IQCJ: variants seen among roughly 807,000 people sequenced by gnomAD.
IQCJ encodes IQ motif containing J.
In IQCJ, 9 loss-of-function variants were observed where a neutral mutation model predicts 11.0. The ratio of observed to expected loss-of-function variants is 0.82; its 90% CI spans 0.49 to 1.43. The LOEUF (loss-of-function observed/expected upper bound fraction) is 1.43. Ranked by LOEUF, IQCJ falls within the 40% of genes most tolerant of loss-of-function variation. The pLI, the probability that IQCJ is intolerant of heterozygous loss-of-function variation, is 0.00. For missense variants in IQCJ, 146 were observed against 133.2 expected, an observed-to-expected ratio of 1.10 and a Z score of -0.47; for synonymous variants, 55 against 51.3, an observed-to-expected ratio of 1.07 and a Z score of -0.31.
chr3:159,195,085 T>C (rs919451368), intron 1 of IQCJ, among the ~76,000 whole-genome samples: 1 of 148,948 alleles, frequency 6.7e-6, no homozygotes, highest in Non-Finnish European at 1.5e-5. Context: ...CACTCTAGCC[T>C]GGGTGACAGA....
Position 159,103,501 on chromosome 3 carries a change from A to T in IQCJ, c.9+34060A>T, listed in dbSNP as rs75458393. Among the ~76,000 whole-genome samples the T allele has an allele frequency of 1.0e-2, 1,522 of 152,356 alleles. 29 individuals carry two copies. The highest frequency in any genetic ancestry group is 0.034 in the African/African-American group (1,433 of 41,584). ...TTGAATTAAGGGTATTTTAGGATCGACATTCTGCTCATCTAAAGAGCAAAC... is the reference window on the plus strand; with the variant it reads ...TTGAATTAAGGGTATTTTAGGATCGTCATTCTGCTCATCTAAAGAGCAAAC... On this transcript the variant is annotated intron_variant, in intron 1 of 3. Transcript: ENST00000397832.
chr3:159,240,135 T>C (rs1242434181), intron 1 of IQCJ, among the ~76,000 whole-genome samples: 1 of 152,134 alleles, frequency 6.6e-6, no homozygotes. Context: ...ATTCTTAGAA[T>C]ATGGAACCAG....
intron 1 of IQCJ, among the ~76,000 whole-genome samples, chr3:159,074,057 G>A (rs1217456966): frequency 2.0e-5 from 3 of 152,052 alleles, no homozygotes; most frequent in Non-Finnish European, 4.4e-5. Context: ...GGAAATTAAT[G>A]GAAGATATAC....
At chr3:159,224,890 A>C (rs567428497) in intron 1 of IQCJ, among the ~76,000 whole-genome samples, 2 of 152,200 alleles carry the variant, frequency 1.3e-5, no homozygotes, top group South Asian at 4.1e-4. Context: ...TGGGAAACAC[A>C]AAACACTGGC....
At chr3:159,260,790 T>G (rs1024016799) in intron 3 of IQCJ, among the ~76,000 whole-genome samples, 8 of 152,204 alleles carry the variant, frequency 5.3e-5, no homozygotes, top group African/African-American at 1.9e-4. Context: ...GCTTGAAGTA[T>G]GTATAATCTG....
intron 1 of IQCJ, among the ~76,000 whole-genome samples, chr3:159,168,591 G>A (rs1009291497): frequency 1.3e-5 from 2 of 152,146 alleles, no homozygotes; most frequent in Non-Finnish European, 2.9e-5. Context: ...GAGTAGGCAT[G>A]TAAGTGACTT....
chr3:159,232,809 A>T (rs1199059851), intron 1 of IQCJ, among the ~76,000 whole-genome samples: 2 of 152,054 alleles, frequency 1.3e-5, no homozygotes. Context: ...TCTAATATTG[A>T]CAGTGGGGTG....
intron 1 of IQCJ, among the ~76,000 whole-genome samples, chr3:159,137,882 G>C (rs1720387598): frequency 6.6e-6 from 1 of 152,158 alleles, no homozygotes; most frequent in Non-Finnish European, 1.5e-5. Context: ...AAATAAATAG[G>C]AAAGGGATTT....
intron 3 of IQCJ, among the ~76,000 whole-genome samples, chr3:159,258,789 C>A (rs1728043301): frequency 6.6e-6 from 1 of 152,070 alleles, no homozygotes; most frequent in Admixed American, 6.5e-5. Flanking sequence ...TCAACTGCAC[C>A]AAAGCAGGGT....
chr3:159,163,618 G>C (rs1205101821), intron 1 of IQCJ, among the ~76,000 whole-genome samples: 3 of 152,114 alleles, frequency 2.0e-5, no homozygotes, highest in Non-Finnish European at 4.4e-5. Flanking sequence ...TCCCACCTAG[G>C]CCTCCCAAAG....
intron 1 of IQCJ, among the ~76,000 whole-genome samples, chr3:159,092,806 T>G (rs1717424885): frequency 6.6e-6 from 1 of 151,654 alleles, no homozygotes; most frequent in South Asian, 2.1e-4. Flanking sequence ...ATTTTTTTTT[T>G]TTAGCCAGTA....
At chr3:159,148,748 C>T (rs1273643514) in intron 1 of IQCJ, among the ~76,000 whole-genome samples, 1 of 152,150 alleles carries the variant, frequency 6.6e-6, no homozygotes, top group African/African-American at 2.4e-5. Context: ...TTTATTAACA[C>T]ATTGACAGCC....
chr3:159,263,099 C>T lies in IQCJ; in HGVS notation c.*368C>T, dbSNP rs900669330. 6.0e-6 allele frequency: 6 copies of T among 991,978 alleles called. No individual in the cohort carries two copies. The highest frequency in any genetic ancestry group is 4.8e-6 in the Non-Finnish European group (4 of 833,232). The allele number at this position is 991,978 out of a possible 1,614,324, so 61.4% of individuals were successfully genotyped here. On this transcript the variant is annotated 3_prime_UTR_variant, in exon 4 of 4. Transcript: ENST00000397832. ...GAAGAATTGAAAGTGGTCACACACT[C>T]AGGGGTTGCAACTTAAATGTCTCCA... is the stretch of plus-strand genomic sequence containing the variant.
At chr3:159,262,181 A>T (rs1040597547) in intron 3 of IQCJ, among the ~76,000 whole-genome samples, 2 of 152,376 alleles carry the variant, frequency 1.3e-5, no homozygotes, top group Admixed American at 1.3e-4. Flanking sequence ...CAGCCTATTT[A>T]TTATTCTCAT....
chr3:159,108,021 A>AAG (rs1266648268), intron 1 of IQCJ, among the ~76,000 whole-genome samples: 6 of 151,466 alleles, frequency 4.0e-5, no homozygotes, highest in Non-Finnish European at 7.4e-5. Context: ...AAAAAAAAAA[A>AAG]AAAAGAAAAA....
intron 1 of IQCJ, among the ~76,000 whole-genome samples, chr3:159,163,888 T>C (rs1266579077): frequency 1.3e-5 from 2 of 152,188 alleles, no homozygotes; most frequent in Non-Finnish European, 2.9e-5. Context: ...ACATCAGGCC[T>C]CATTCTCTGC....
At position 159,262,820 on chromosome 3, in the gene IQCJ, C is replaced by G; in HGVS notation, c.*89C>G. On this transcript the variant is annotated 3_prime_UTR_variant, in exon 4 of 4. Transcript: ENST00000397832. ...AGATCTATGTAGCTTATTTGCTACC[C>G]AGGAACCCATGGTGAGAGTTTTGTC... The G allele has an allele frequency of 6.8e-7, 1 of 1,479,740 alleles. No individual in the cohort carries two copies. The allele number at this position is 1,479,740 out of a possible 1,614,324, so 91.7% of individuals were successfully genotyped here. A position where few individuals can be genotyped will look rare whatever the true frequency, so the allele number is the denominator to read the frequency against.
At chr3:159,223,099 A>C (rs1303685698) in intron 1 of IQCJ, among the ~76,000 whole-genome samples, 1 of 152,136 alleles carries the variant, frequency 6.6e-6, no homozygotes, top group Non-Finnish European at 1.5e-5. Flanking sequence ...AAGACTTCCA[A>C]GTATACAGAG....
chr3:159,225,338 C>T (rs1725794575), intron 1 of IQCJ, among the ~76,000 whole-genome samples: 1 of 151,946 alleles, frequency 6.6e-6, no homozygotes, highest in Admixed American at 6.6e-5. Flanking sequence ...ATAACGAAAT[C>T]ATAGAGATGG....
Sources: allele counts gnomAD v4.1 joint callset (sites outside exome capture counted in the v4.1 genomes callset), GRCh38; gene constraint gnomAD v4.1.1; transcripts MANE v1.5; gene names NCBI Gene and HGNC (gene_info 2026-07-23, HGNC 2026-07-21).